ST8SIA2: variants seen among roughly 807,000 people sequenced by gnomAD.
ST8SIA2 encodes the protein ST8 alpha-N-acetyl-neuraminide alpha-2,8-sialyltransferase 2.
Under a neutral mutation model 37.6 loss-of-function variants are expected in ST8SIA2, and 22 were observed. The observed-to-expected ratio is 0.58, with a 90% CI of 0.42 to 0.83. The LOEUF is 0.83. ST8SIA2 is among the 40% of genes least tolerant of loss of function. The pLI, the probability that ST8SIA2 is intolerant of heterozygous loss-of-function variation, is 0.00. For synonymous variants in ST8SIA2, 205 were observed against 201.2 expected (o/e 1.02, Z -0.16); for missense variants, 382 against 484.7 (o/e 0.79, Z 1.99).
chr15:92,421,512 T>C (rs2049633768), intron 1 of ST8SIA2, among the ~76,000 whole-genome samples: 1 of 152,234 alleles, frequency 6.6e-6, no homozygotes, highest in Non-Finnish European at 1.5e-5. Context: ...CTCTTTGCAT[T>C]CATTAGCTCA....
At chr15:92,402,364 G>A (rs1312577117) in intron 1 of ST8SIA2, among the ~76,000 whole-genome samples, 1 of 152,194 alleles carries the variant, frequency 6.6e-6, no homozygotes, top group South Asian at 2.1e-4. Flanking sequence ...ACAGTCTGAG[G>A]AGGTCTATGT....
chr15:92,427,795 T>C (rs2049687630), intron 1 of ST8SIA2, among the ~76,000 whole-genome samples: 1 of 152,100 alleles, frequency 6.6e-6, no homozygotes, highest in South Asian at 2.1e-4. Context: ...ATTAGCCTGA[T>C]CAACATGGCA....
chr15:92,430,479 G>T (rs557614510), intron 2 of ST8SIA2, among the ~76,000 whole-genome samples: 1 of 152,320 alleles, frequency 6.6e-6, no homozygotes, highest in East Asian at 1.9e-4. Flanking sequence ...TAAATGGCTC[G>T]TCCAGGAGGT....
In ST8SIA2 at chr15:92,420,568, G is replaced by T. The variant is rs145548251; in HGVS notation, c.99-9481G>T. On this transcript the variant is annotated intron_variant, in intron 1 of 5. Coordinates refer to ENST00000268164, the MANE Select transcript of ST8SIA2 (RefSeq NM_006011.4). Reference sequence around the variant, plus strand: ...ACCTTTTTGTACACCAATAAAAGCTGATTAACAAGCAAAAGTTTGCTGGAA... The same window carrying T: ...ACCTTTTTGTACACCAATAAAAGCTTATTAACAAGCAAAAGTTTGCTGGAA... Among the ~76,000 whole-genome samples the T allele has an allele frequency of 2.9e-3, 444 of 152,280 alleles. 4 individuals carry two copies. The highest frequency in any genetic ancestry group is 3.9e-3 in the South Asian group (19 of 4,818).
intron 1 of ST8SIA2, among the ~76,000 whole-genome samples, chr15:92,405,839 T>C (rs990647973): frequency 2.6e-5 from 4 of 152,208 alleles, no homozygotes; most frequent in Admixed American, 6.5e-5. Flanking sequence ...TCTGAATTCT[T>C]GTTGGCTGCC....
At chr15:92,398,586 G>A (rs1408445419) in intron 1 of ST8SIA2, among the ~76,000 whole-genome samples, 3 of 152,206 alleles carry the variant, frequency 2.0e-5, no homozygotes, top group Non-Finnish European at 4.4e-5. Context: ...TGTTTGTAGA[G>A]CTCTGTGAGC....
intron 1 of ST8SIA2, among the ~76,000 whole-genome samples, chr15:92,408,584 TTCTC>T (rs2049525205): frequency 6.6e-6 from 1 of 152,206 alleles, no homozygotes; most frequent in African/African-American, 2.4e-5. Flanking sequence ...ACTTACATAT[TTCTC>T]TCTATGGCCA....
chr15:92,465,660 G>C lies in ST8SIA2; in HGVS notation c.*1275G>C, dbSNP rs1181264094. The C allele has an allele frequency of 6.6e-6, 1 of 152,066 alleles. No homozygotes were observed. Among genetic ancestry groups the C allele is most frequent in the Non-Finnish European group, 1.5e-5 (1 of 68,024 alleles). The allele number at this position is 152,066 out of a possible 1,614,324, so 9.4% of individuals were successfully genotyped here. ...TGAGGTTTTCATCTCTGCAGGGAGA[G>C]GTTCCAATGTCCACCCCACCCCCAG... On this transcript the variant is annotated 3_prime_UTR_variant, in exon 6 of 6. Transcript: ENST00000268164.
chr15:92,454,939 G>C (rs999719944), intron 5 of ST8SIA2, among the ~76,000 whole-genome samples: 1 of 152,000 alleles, frequency 6.6e-6, no homozygotes, highest in Admixed American at 6.6e-5. Flanking sequence ...AGCAGCCCTG[G>C]GTGCAGACAA....
At chr15:92,455,178 CAG>C (rs2049911398) in intron 5 of ST8SIA2, among the ~76,000 whole-genome samples, 1 of 152,110 alleles carries the variant, frequency 6.6e-6, no homozygotes, top group African/African-American at 2.4e-5. Flanking sequence ...CATGGCAATC[CAG>C]AGAGTGTGTC....
At chr15:92,436,054 C>G (rs996897038) in intron 3 of ST8SIA2, among the ~76,000 whole-genome samples, 1 of 116,772 alleles carries the variant, frequency 8.6e-6, no homozygotes, top group African/African-American at 2.7e-5. Flanking sequence ...CTCTGTGCTT[C>G]TATCTTCTTC....
chr15:92,445,486 T>C (rs1373372500), intron 5 of ST8SIA2, among the ~76,000 whole-genome samples: 1 of 152,228 alleles, frequency 6.6e-6, no homozygotes, highest in African/African-American at 2.4e-5. Context: ...TATCTTTATG[T>C]CTCAGTGCAA....
At chr15:92,420,557 C>G (rs1303758275) in intron 1 of ST8SIA2, among the ~76,000 whole-genome samples, 1 of 151,968 alleles carries the variant, frequency 6.6e-6, no homozygotes, top group Non-Finnish European at 1.5e-5. Context: ...TTTTGTACAC[C>G]AATAAAAGCT....
chr15:92,445,383 A>G (rs186016523), intron 5 of ST8SIA2, among the ~76,000 whole-genome samples: 87 of 152,328 alleles, frequency 5.7e-4, no homozygotes, highest in African/African-American at 2.0e-3. Context: ...GGGAATGGTA[A>G]CATTGGAGGA....
intron 2 of ST8SIA2, among the ~76,000 whole-genome samples, chr15:92,433,715 C>T (rs1047744497): frequency 6.6e-6 from 1 of 152,238 alleles, no homozygotes; most frequent in East Asian, 1.9e-4. Flanking sequence ...AGACACAGCA[C>T]AGATGACTGT....
chr15:92,397,345 T>C (rs976911105), intron 1 of ST8SIA2, among the ~76,000 whole-genome samples: 4 of 152,190 alleles, frequency 2.6e-5, no homozygotes, highest in Admixed American at 1.3e-4. Context: ...TTATACATCA[T>C]GAATTGAGGG....
In ST8SIA2 at chr15:92,394,683, C is replaced by T. The variant is rs1259383374; in HGVS notation, c.98+521C>T. 2.6e-5 allele frequency among the ~76,000 whole-genome samples: 4 copies of T among 152,132 alleles called. No individual in the cohort carries two copies. The East Asian group carries it at 5.8e-4, about 22-fold the overall frequency. On this transcript the variant is annotated intron_variant, in intron 1 of 5. Transcript: ENST00000268164. ...GGGCTACTGGGAAGCGGAATGTCCC[C>T]TGCACACACAGACAGGCACACGCGC...
At position 92,467,570 on chromosome 15, in the gene ST8SIA2, C is replaced by G. The variant is rs2050001571; in HGVS notation, c.*3185C>G. 6.6e-6 allele frequency: 1 copy of G among 152,392 alleles called. No individual in the cohort carries two copies. The highest frequency in any genetic ancestry group is 2.1e-4 in the South Asian group (1 of 4,816). 9.4% of individuals were successfully genotyped at this position (152,392 alleles called of 1,614,324 possible). A position where few individuals can be genotyped will look rare whatever the true frequency, so the allele number is the denominator to read the frequency against. On this transcript the variant is annotated 3_prime_UTR_variant, in exon 6 of 6. Coordinates refer to ENST00000268164, the MANE Select transcript of ST8SIA2 (RefSeq NM_006011.4). ...TGCCACATTCTTGTGTTTTTTTCCT[C>G]CTTCTTTCCCAATCCCTCTCAACCA...
intron 5 of ST8SIA2, among the ~76,000 whole-genome samples, chr15:92,456,442 T>C (rs926001958): frequency 6.6e-6 from 1 of 152,344 alleles, no homozygotes; most frequent in South Asian, 2.1e-4. Flanking sequence ...TCTGGAGTTA[T>C]ACAGAAGCAG....
Sources: gnomAD v4.1 joint callset for allele counts (sites outside exome capture counted in the v4.1 genomes callset) on GRCh38, gnomAD v4.1.1 for gene constraint, MANE v1.5 for transcripts, NCBI Gene and HGNC (gene_info 2026-07-23, HGNC 2026-07-21) for gene names.